The following GON4L variants were observed in gnomAD, a reference collection of about 807,000 sequenced individuals.
The protein encoded by GON4L is GON-4-like protein.
A neutral mutation model predicts 211.8 loss-of-function variants in GON4L; 87 were observed. The ratio of observed to expected loss-of-function variants is 0.41; its 90% CI spans 0.35 to 0.49. The LOEUF (loss-of-function observed/expected upper bound fraction) is 0.49. Among genes scored for constraint, GON4L ranks in the 20% least tolerant of loss-of-function variants. The pLI is 0.15. For missense variants in GON4L, 2,155 were observed against 2,659.5 expected (o/e 0.81, Z 4.17); for synonymous variants, 875 against 962.6 (o/e 0.91, Z 1.68).
At chr1:155,814,732 C>T (rs1474454988) in intron 8 of GON4L, among the ~76,000 whole-genome samples, 60 of 143,600 alleles carry the variant, frequency 4.2e-4, no homozygotes, top group Non-Finnish European at 3.0e-4. Flanking sequence ...GGTGGCAGAG[C>T]GAGACTCTGT....
chr1:155,770,912 AT>A (rs957271782), intron 19 of GON4L, among the ~76,000 whole-genome samples, 154 bp downstream of exon 19: 6 of 152,228 alleles, frequency 3.9e-5, no homozygotes, highest in African/African-American at 1.4e-4. Flanking sequence ...CCAGCGGAAT[AT>A]TGCCCAAAAG....
intron 1 of GON4L, among the ~76,000 whole-genome samples, chr1:155,855,653 T>C (rs1408850094): frequency 6.6e-6 from 1 of 152,194 alleles, no homozygotes; most frequent in African/African-American, 2.4e-5. Context: ...CAACTTATTC[T>C]GTGCAGCATT....
intron 10 of GON4L, among the ~76,000 whole-genome samples, chr1:155,805,514 G>A (rs944190767): frequency 2.0e-5 from 3 of 151,828 alleles, no homozygotes; most frequent in East Asian, 1.9e-4. Context: ...ATTAGTAGTC[G>A]CTTCCCTTTC....
intron 2 of GON4L, among the ~76,000 whole-genome samples, chr1:155,847,223 C>A (rs1047565673): frequency 6.6e-6 from 1 of 152,140 alleles, no homozygotes; most frequent in Non-Finnish European, 1.5e-5. Flanking sequence ...GGGATCCAGG[C>A]TCCATAAATT....
chr1:155,775,216 C>G, intron 16 of GON4L, 43 bp from the exon 17 acceptor site: 1 of 1,612,952 alleles, frequency 6.2e-7, no homozygotes, highest in Non-Finnish European at 8.5e-7. Flanking sequence ...CAATTCCAGA[C>G]AATTAATACC....
At chr1:155,798,244 T>C (rs1028942062) in intron 11 of GON4L, among the ~76,000 whole-genome samples, 1 of 130,682 alleles carries the variant, frequency 7.7e-6, no homozygotes, top group Non-Finnish European at 1.6e-5. Context: ...GCTTATAATA[T>C]ATTAATTTGC....
chr1:155,781,008 G>A (rs1749422), intron 14 of GON4L, among the ~76,000 whole-genome samples: 142,465 of 152,246 alleles, frequency 0.94, 67,433 homozygotes, highest in East Asian at 1. Context: ...ACTGTCTTAT[G>A]CAATCTTCTG....
intron 2 of GON4L, among the ~76,000 whole-genome samples, chr1:155,839,151 ATATAAC>A (rs1670564078): frequency 6.6e-6 from 1 of 152,218 alleles, no homozygotes; most frequent in Non-Finnish European, 1.5e-5. Context: ...AAGGTTATTT[ATATAAC>A]CAGGTAGAAA....
At chr1:155,856,120 T>C (rs1310082353) in intron 1 of GON4L, among the ~76,000 whole-genome samples, 1 of 151,932 alleles carries the variant, frequency 6.6e-6, no homozygotes, top group Non-Finnish European at 1.5e-5. Flanking sequence ...TGTCCACTTA[T>C]CAGAGTACTA....
intron 19 of GON4L, among the ~76,000 whole-genome samples, chr1:155,770,500 A>C (rs1249749253): frequency 6.6e-6 from 1 of 152,230 alleles, no homozygotes; most frequent in Non-Finnish European, 1.5e-5. Context: ...AATGCACTCC[A>C]AACAGGATGA....
intron 2 of GON4L, among the ~76,000 whole-genome samples, chr1:155,832,442 C>G (rs919065400): frequency 6.6e-6 from 1 of 152,090 alleles, no homozygotes; most frequent in Non-Finnish European, 1.5e-5. Flanking sequence ...AGTTCAAGAC[C>G]AGCCTGACCA....
intron 10 of GON4L, among the ~76,000 whole-genome samples, chr1:155,806,297 C>T (rs935912607): frequency 2.6e-5 from 4 of 151,840 alleles, no homozygotes; most frequent in African/African-American, 4.8e-5. Context: ...GGACTACAGG[C>T]GTGTGCCACC....
intron 2 of GON4L, chr1:155,845,489 CT>C: frequency 2.9e-6 from 1 of 345,316 alleles, no homozygotes; most frequent in East Asian, 8.3e-5. Flanking sequence ...TCTTCATGTG[CT>C]TTTGCGGTCA....
intron 29 of GON4L, among the ~76,000 whole-genome samples, 169 bp downstream of exon 29, chr1:155,753,035 A>G (rs149124396): frequency 2.6e-3 from 396 of 152,308 alleles, no homozygotes; most frequent in African/African-American, 9.2e-3. Context: ...GTGAGGCCAT[A>G]TGATAGAAAA....
At chr1:155,808,256 C>A (rs1186908769) in intron 10 of GON4L, among the ~76,000 whole-genome samples, 3 of 152,024 alleles carry the variant, frequency 2.0e-5, no homozygotes, top group African/African-American at 7.2e-5. Flanking sequence ...CCAGGCTGGT[C>A]TAGAACTCCT....
At position 155,809,999 on chromosome 1, in the gene GON4L, T is replaced by TATACATATATAATTATAA. The variant is rs1557886204; in HGVS notation, c.1452+3634_1452+3635insTTATAATTATATATGTAT. ...AATTATATATATATATAATTATATA[T>TATACATATATAATTATAA]ATATATATATTTTTGAAATGTAGTC... On this transcript the variant is annotated intron_variant, in intron 10 of 31. Transcript: ENST00000368331. 6.5e-5 allele frequency among the ~76,000 whole-genome samples: 8 copies of TATACATATATAATTATAA among 123,962 alleles called. 3 individuals are homozygous for TATACATATATAATTATAA. Among genetic ancestry groups the TATACATATATAATTATAA allele is most frequent in the Non-Finnish European group, 1.4e-4 (8 of 59,150 alleles). 81.3% of individuals were successfully genotyped at this position (123,962 alleles called of 152,430 possible).
chr1:155,772,416 T>C (rs537139255), intron 18 of GON4L, among the ~76,000 whole-genome samples: 1 of 152,160 alleles, frequency 6.6e-6, no homozygotes, highest in African/African-American at 2.4e-5. Flanking sequence ...TATACACATA[T>C]GTGCTGATAA....
intron 2 of GON4L, chr1:155,845,615 A>G: frequency 3.1e-6 from 1 of 326,688 alleles, no homozygotes; most frequent in Non-Finnish European, 6.2e-6. Context: ...CAGAATGTTT[A>G]AGAGGGTGAA....
At chr1:155,779,873 C>G (rs1374447043) in intron 14 of GON4L, among the ~76,000 whole-genome samples, 1 of 152,106 alleles carries the variant, frequency 6.6e-6, no homozygotes, top group Non-Finnish European at 1.5e-5. Flanking sequence ...TCTCGGCTCA[C>G]TGCAACCTCT....
Sources: allele counts gnomAD v4.1 joint callset (sites outside exome capture counted in the v4.1 genomes callset), GRCh38; gene constraint gnomAD v4.1.1; transcripts MANE v1.5; gene names NCBI Gene and HGNC (gene_info 2026-07-23, HGNC 2026-07-21).